SQOR: variants seen among roughly 807,000 people sequenced by gnomAD.
SQOR encodes sulfide quinone oxidoreductase.
SQOR carries 39 observed loss-of-function variants against 48.6 expected under a neutral mutation model. That is an observed-to-expected ratio of 0.80 (90% CI 0.62 to 1.05). The LOEUF is 1.05. SQOR is among the 50% of genes least tolerant of loss of function. SQOR has a pLI of 0.00. For missense variants in SQOR, 561 were observed against 559.9 expected, an observed-to-expected ratio of 1.00 and a Z score of -0.02; for synonymous variants, 220 against 206.2, an observed-to-expected ratio of 1.07 and a Z score of -0.57.
chr15:45,683,738 A>G (rs1432769111), intron 7 of SQOR, among the ~76,000 whole-genome samples: 1 of 152,094 alleles, frequency 6.6e-6, no homozygotes, highest in Non-Finnish European at 1.5e-5. Context: ...AACCTATACA[A>G]ATTTGAAATA....
At chr15:45,675,169 AAAG>A (rs1400276916) in intron 5 of SQOR, among the ~76,000 whole-genome samples, 1 of 152,196 alleles carries the variant, frequency 6.6e-6, no homozygotes, top group African/African-American at 2.4e-5. Flanking sequence ...CGAGCAAAGG[AAAG>A]AAGAAGAAAC....
At chr15:45,673,079 T>C (rs1312405287) in intron 4 of SQOR, among the ~76,000 whole-genome samples, 2 of 152,186 alleles carry the variant, frequency 1.3e-5, no homozygotes, top group Non-Finnish European at 2.9e-5. Context: ...TATTAGGTAA[T>C]TTACACAGGG....
At chr15:45,669,167 ATT>A (rs1001025572) in intron 3 of SQOR, among the ~76,000 whole-genome samples, 1 of 142,126 alleles carries the variant, frequency 7.0e-6, no homozygotes, top group South Asian at 2.5e-4. Flanking sequence ...TATATTTTTT[ATT>A]TTTTTTTAAT....
intron 1 of SQOR, among the ~76,000 whole-genome samples, chr15:45,647,206 G>A (rs1186658184): frequency 6.6e-6 from 1 of 151,936 alleles, no homozygotes; most frequent in African/African-American, 2.4e-5. Flanking sequence ...CCGAGATCAT[G>A]CCACCGCACT....
chr15:45,665,375 A>G (rs1889794921), intron 3 of SQOR, among the ~76,000 whole-genome samples: 1 of 152,166 alleles, frequency 6.6e-6, no homozygotes, highest in Admixed American at 6.5e-5. Context: ...GCTGGTTTTA[A>G]TTCATCCTCC....
chr15:45,645,706 G>A (rs1026106909), intron 1 of SQOR, among the ~76,000 whole-genome samples: 6 of 152,118 alleles, frequency 3.9e-5, no homozygotes, highest in Admixed American at 6.5e-5. Context: ...AGGCTCTCCC[G>A]GGTCTTCAGC....
chr15:45,691,115 G>A lies in SQOR; in HGVS notation c.*85G>A. 1 of 1,203,696 alleles carries A rather than the reference G, an allele frequency of 8.3e-7. No individual in the cohort carries two copies. The highest frequency in any genetic ancestry group is 1.2e-6 in the Non-Finnish European group (1 of 805,620). The allele number at this position is 1,203,696 out of a possible 1,614,324, so 74.6% of individuals were successfully genotyped here. ...TGACCAAGAGCAGCACGAAGGACTT[G>A]GAACCTATCCTTGTAAAGAGTTCCT... On this transcript the variant is annotated 3_prime_UTR_variant, in exon 10 of 10. Transcript: ENST00000260324.
chr15:45,682,702 G>C (rs370442537), intron 7 of SQOR, 41 bp downstream of exon 7: 1 of 1,602,610 alleles, frequency 6.2e-7, no homozygotes, highest in Non-Finnish European at 8.5e-7. Flanking sequence ...TCAAAAATAT[G>C]TCACCTCAAG....
At chr15:45,658,802 C>A (rs1467358172) in intron 1 of SQOR, 105 bp from the exon 2 acceptor site, 21 of 891,894 alleles carry the variant, frequency 2.4e-5, no homozygotes, top group Non-Finnish European at 3.4e-5. Context: ...TGGGGACCAG[C>A]TGGAGCGGGC....
intron 1 of SQOR, among the ~76,000 whole-genome samples, chr15:45,638,168 G>A (rs1374912281): frequency 4.6e-5 from 7 of 152,162 alleles, no homozygotes; most frequent in Admixed American, 1.3e-4. Context: ...AAAAACCCTC[G>A]GAAATTTAGA....
chr15:45,690,949 A>AT (rs777524968), intron 9 of SQOR, 24 bp from the exon 10 acceptor site: 16 of 1,612,532 alleles, frequency 9.9e-6, no homozygotes, highest in Admixed American at 8.3e-5. Flanking sequence ...CTGCAGGTAC[A>AT]TTTTTTTGTG....
At chr15:45,636,715 T>C (rs1017606852) in intron 1 of SQOR, among the ~76,000 whole-genome samples, 1 of 152,220 alleles carries the variant, frequency 6.6e-6, no homozygotes, top group Non-Finnish European at 1.5e-5. Flanking sequence ...ATCTGTGATT[T>C]CTATTGGTGA....
intron 1 of SQOR, among the ~76,000 whole-genome samples, chr15:45,641,367 C>T (rs968488268): frequency 6.6e-5 from 10 of 152,166 alleles, no homozygotes; most frequent in East Asian, 1.9e-4. Context: ...AGTTTTGCCC[C>T]TGAAGAGTGA....
At chr15:45,690,079 CTCCTTTTT>C (rs1890295057) in intron 9 of SQOR, among the ~76,000 whole-genome samples, 1 of 104,140 alleles carries the variant, frequency 9.6e-6, no homozygotes, top group South Asian at 3.5e-4. Context: ...ATTCCTCTTC[CTCCTTTTT>C]TTTTTTTTTT....
chr15:45,655,681 C>CTTTTTTTTTTTTTT (rs60764234), intron 1 of SQOR, among the ~76,000 whole-genome samples: 1 of 143,738 alleles, frequency 7.0e-6, no homozygotes, highest in Non-Finnish European at 1.5e-5. Context: ...GAAAGTATAT[C>CTTTTTTTTTTTTTT]TTTTTTTTTT....
At chr15:45,654,977 C>G (rs1889567666) in intron 1 of SQOR, among the ~76,000 whole-genome samples, 2 of 152,194 alleles carry the variant, frequency 1.3e-5, no homozygotes, top group South Asian at 4.1e-4. Context: ...TTACTGTACA[C>G]ATGGCTGACA....
At chr15:45,681,788 G>A (rs1259559209) in intron 6 of SQOR, among the ~76,000 whole-genome samples, 1 of 152,064 alleles carries the variant, frequency 6.6e-6, no homozygotes, top group Non-Finnish European at 1.5e-5. Flanking sequence ...ATTAGGATGG[G>A]TCAGTGCACC....
intron 4 of SQOR, 146 bp downstream of exon 4, chr15:45,670,127 C>A: frequency 2.7e-6 from 2 of 751,834 alleles, no homozygotes; most frequent in Non-Finnish European, 4.5e-6. Flanking sequence ...AGTCCTTTTA[C>A]AGTTTTAAGG....
chr15:45,688,713 A>G (rs974202197), intron 8 of SQOR, among the ~76,000 whole-genome samples: 2 of 151,982 alleles, frequency 1.3e-5, no homozygotes, highest in African/African-American at 4.8e-5. Context: ...GGGTTTCTCC[A>G]TGTTGGTCAG....
Sources: gnomAD v4.1 joint callset for allele counts (sites outside exome capture counted in the v4.1 genomes callset) on GRCh38, gnomAD v4.1.1 for gene constraint, MANE v1.5 for transcripts, NCBI Gene and HGNC (gene_info 2026-07-23, HGNC 2026-07-21) for gene names.